RPS6KA2: variants seen among roughly 807,000 people sequenced by gnomAD.
RPS6KA2 encodes the protein ribosomal protein S6 kinase A2.
Under a neutral mutation model 91.8 loss-of-function variants are expected in RPS6KA2, and 42 were observed. That is an observed-to-expected ratio of 0.46 (90% CI 0.36 to 0.59). The LOEUF (loss-of-function observed/expected upper bound fraction) is 0.59, where lower values mean the gene tolerates loss of function less well. Ranked by LOEUF, RPS6KA2 falls within the 20% of genes least tolerant of loss-of-function variation. The probability of loss-of-function intolerance (pLI) is 0.00; values close to 1 mark genes in which losing one functional copy is unlikely to be tolerated. For synonymous variants in RPS6KA2, 414 were observed against 393.6 expected (o/e 1.05, Z -0.61); for missense variants, 798 against 978.5 (o/e 0.82, Z 2.46).
intron 1 of RPS6KA2, among the ~76,000 whole-genome samples, chr6:166,541,510 G>A (rs140838059): frequency 8.5e-5 from 13 of 152,282 alleles, no homozygotes; most frequent in African/African-American, 2.2e-4. Context: ...GCTCTGAAGC[G>A]AGAGTGACAG....
At position 166,459,610 on chromosome 6, in the gene RPS6KA2, C is replaced by A; in HGVS notation, c.973-59G>T. On this transcript the variant is annotated intron_variant, in intron 11 of 20. Transcript: ENST00000265678. The surrounding 1 kb of genome is among the most constrained non-coding windows in gnomAD (Gnocchi z 4.9). ...AGGATGCACAGACATTGCCACAGAA[C>A]ACTGGGGACAGAGAAACCTGCTGTG... is the stretch of plus-strand genomic sequence containing the variant. 8.0e-7 allele frequency: 1 copy of A among 1,256,824 alleles called. No homozygotes were observed. The highest frequency in any genetic ancestry group is 1.2e-6 in the Non-Finnish European group (1 of 867,118). 77.9% of individuals were successfully genotyped at this position (1,256,824 alleles called of 1,614,324 possible).
intron 10 of RPS6KA2, among the ~76,000 whole-genome samples, chr6:166,472,791 G>A (rs1017018079): frequency 1.3e-5 from 2 of 152,124 alleles, no homozygotes; most frequent in Non-Finnish European, 1.5e-5. Context: ...TACGGGATGC[G>A]GATGACACGC....
At chr6:166,531,647 T>TGGTTTGAG (rs1343112025) in intron 2 of RPS6KA2, among the ~76,000 whole-genome samples, 4 of 152,220 alleles carry the variant, frequency 2.6e-5, no homozygotes, top group Non-Finnish European at 5.9e-5. Context: ...GGAGATCCTT[T>TGGTTTGAG]GGTTTGAGTA....
intron 5 of RPS6KA2, among the ~76,000 whole-genome samples, chr6:166,505,413 TG>T: frequency 6.6e-6 from 1 of 152,266 alleles, no homozygotes; most frequent in Non-Finnish European, 1.5e-5. Context: ...ACCCCCGACT[TG>T]TTAGAATCAG....
At position 166,409,478 on chromosome 6, in the gene RPS6KA2, A is replaced by T. The variant is rs1778230066; in HGVS notation, c.*3284T>A. 6.6e-6 allele frequency: 1 copy of T among 152,482 alleles called. No homozygotes were observed. The highest frequency in any genetic ancestry group is 6.5e-5 in the Admixed American group (1 of 15,286). 9.4% of individuals were successfully genotyped at this position (152,482 alleles called of 1,614,324 possible). A position where few individuals can be genotyped will look rare whatever the true frequency, so the allele number is the denominator to read the frequency against. On this transcript the variant is annotated 3_prime_UTR_variant, in exon 21 of 21. Transcript: ENST00000265678. ...TCTGTACAGTGGCCACCCATCTCAAACATGAATTACAAAGCAGGAACATAA... is the reference window on the plus strand; with the variant it reads ...TCTGTACAGTGGCCACCCATCTCAATCATGAATTACAAAGCAGGAACATAA...
In RPS6KA2 at chr6:166,602,726, A is replaced by G. The variant is rs1473235054; in HGVS notation, c.99+24195T>C. Reference sequence around the variant, plus strand: ...AGTGGTAGACCTCAAATCCAGGGAAATCGTAGCCTCCAGGTGGGAGGGAGA... The same window carrying G: ...AGTGGTAGACCTCAAATCCAGGGAAGTCGTAGCCTCCAGGTGGGAGGGAGA... On this transcript the variant is annotated intron_variant, in intron 1 of 20. Coordinates refer to ENST00000265678, the MANE Select transcript of RPS6KA2 (RefSeq NM_021135.6). Among the ~76,000 whole-genome samples, 6 of 152,352 alleles carry G rather than the reference A, an allele frequency of 3.9e-5. No individual in the cohort carries two copies. The East Asian group carries it at 1.2e-3, about 29-fold the overall frequency.
At chr6:166,859,931 C>G (rs564795449) in intron 1 of RPS6KA2, among the ~76,000 whole-genome samples, 2 of 152,258 alleles carry the variant, frequency 1.3e-5, no homozygotes, top group South Asian at 4.2e-4. Context: ...GCAGATTTTC[C>G]GATGAGAAAA....
chr6:166,590,012 G>T (rs1785305397), intron 1 of RPS6KA2, among the ~76,000 whole-genome samples: 1 of 152,124 alleles, frequency 6.6e-6, no homozygotes, highest in African/African-American at 2.4e-5. Flanking sequence ...AGCTTGATTG[G>T]GGTGCTCAGA....
At chr6:166,654,817 T>C (rs969683371) in intron 2 of RPS6KA2, among the ~76,000 whole-genome samples, 5 of 152,196 alleles carry the variant, frequency 3.3e-5, no homozygotes, top group African/African-American at 4.8e-5. Context: ...TCATGTCAAC[T>C]TGCACCATTG....
chr6:166,857,962 A>G (rs1780950937), intron 2 of RPS6KA2: 1 of 529,390 alleles, frequency 1.9e-6, no homozygotes. Context: ...ACCTCGATGG[A>G]CAGCCTTCCG....
chr6:166,734,221 C>T (rs1472633039), intron 2 of RPS6KA2, among the ~76,000 whole-genome samples: 1 of 152,196 alleles, frequency 6.6e-6, no homozygotes, highest in African/African-American at 2.4e-5. Context: ...TCTCACTCTT[C>T]TTACTAGTTT....
At chr6:166,743,718 G>C (rs964866934) in intron 2 of RPS6KA2, among the ~76,000 whole-genome samples, 19 of 152,312 alleles carry the variant, frequency 1.2e-4, no homozygotes, top group African/African-American at 4.3e-4. Context: ...GGGATTCTCT[G>C]CCTTCTCTTT....
intron 2 of RPS6KA2, among the ~76,000 whole-genome samples, chr6:166,710,777 G>T (rs924036248): frequency 6.6e-6 from 1 of 152,190 alleles, no homozygotes; most frequent in Non-Finnish European, 1.5e-5. Flanking sequence ...GACTTGAGGA[G>T]CAAGCTGGTG....
At chr6:166,687,405 A>G (rs1300066592) in intron 2 of RPS6KA2, among the ~76,000 whole-genome samples, 3 of 152,318 alleles carry the variant, frequency 2.0e-5, no homozygotes. Context: ...TTCACTATTG[A>G]AAGAACAACA....
intron 5 of RPS6KA2, among the ~76,000 whole-genome samples, chr6:166,507,963 C>T (rs1350239250): frequency 1.3e-5 from 2 of 149,912 alleles, no homozygotes; most frequent in East Asian, 2.0e-4. Flanking sequence ...GCAAACCCCA[C>T]ACATGCACAT....
chr6:166,778,875 G>A (rs912571250), intron 2 of RPS6KA2, among the ~76,000 whole-genome samples: 11 of 152,354 alleles, frequency 7.2e-5, no homozygotes, highest in East Asian at 5.8e-4. Context: ...GCCACGCTGC[G>A]TCTGGTGAGA....
intron 2 of RPS6KA2, among the ~76,000 whole-genome samples, chr6:166,671,576 G>A (rs1000124660): frequency 2.6e-5 from 4 of 152,148 alleles, no homozygotes; most frequent in Non-Finnish European, 4.4e-5. Flanking sequence ...AGTTATTCCA[G>A]TAAGAAAAGA....
intron 1 of RPS6KA2, among the ~76,000 whole-genome samples, chr6:166,573,100 G>A (rs1326665028): frequency 1.3e-5 from 2 of 152,210 alleles, no homozygotes; most frequent in African/African-American, 4.8e-5. Flanking sequence ...CTGACAGGAG[G>A]GATGGCCCGG....
At chr6:166,580,292 G>T (rs1784964193) in intron 1 of RPS6KA2, among the ~76,000 whole-genome samples, 1 of 152,192 alleles carries the variant, frequency 6.6e-6, no homozygotes, top group Non-Finnish European at 1.5e-5. Flanking sequence ...ACTAAGCCTG[G>T]AGCGTAGCCT....
Sources: allele counts gnomAD v4.1 joint callset (sites outside exome capture counted in the v4.1 genomes callset), GRCh38; gene constraint gnomAD v4.1.1; non-coding constraint Gnocchi (gnomAD v3.1); transcripts MANE v1.5; gene names NCBI Gene and HGNC (gene_info 2026-07-23, HGNC 2026-07-21).